Variants in ARL15 observed in about 807,000 individuals in gnomAD.
ARL15 encodes ARF like GTPase 15, also known as ADP-ribosylation factor-like protein 15.
In ARL15, 19 loss-of-function variants were observed where a neutral mutation model predicts 25.2. The observed-to-expected ratio is 0.75, with a 90% CI of 0.53 to 1.10. The LOEUF (loss-of-function observed/expected upper bound fraction) is 1.10, where lower values mean the gene tolerates loss of function less well. ARL15 is among the 50% of genes least tolerant of loss of function. The pLI is 0.00. For synonymous variants in ARL15, 94 were observed against 86.8 expected, an observed-to-expected ratio of 1.08 and a Z score of -0.46; for missense variants, 220 against 246.0, an observed-to-expected ratio of 0.89 and a Z score of 0.71.
At chr5:54,005,723 G>A (rs556301526) in intron 4 of ARL15, among the ~76,000 whole-genome samples, 2 of 151,958 alleles carry the variant, frequency 1.3e-5, no homozygotes, top group Non-Finnish European at 2.9e-5. Context: ...TTAGCCGGGC[G>A]TGGTGGCCGG....
At chr5:53,924,220 C>T (rs1482221863) in intron 4 of ARL15, among the ~76,000 whole-genome samples, 2 of 152,190 alleles carry the variant, frequency 1.3e-5, no homozygotes, top group African/African-American at 2.4e-5. Context: ...GTTGCCATTA[C>T]GTCTCCTTAG....
chr5:54,154,465 A>G, intron 3 of ARL15, 115 bp downstream of exon 3: 1 of 670,210 alleles, frequency 1.5e-6, no homozygotes, highest in East Asian at 3.3e-5. Context: ...TTATCAAGAT[A>G]AAAATGAACC....
At chr5:53,991,561 A>AAAAGGGGG (rs1388513035) in intron 4 of ARL15, among the ~76,000 whole-genome samples, 1 of 92,070 alleles carries the variant, frequency 1.1e-5, no homozygotes, top group Non-Finnish European at 2.2e-5. Flanking sequence ...AAAAAAAAAA[A>AAAAGGGGG]GGGGGGGCGG....
intron 3 of ARL15, among the ~76,000 whole-genome samples, chr5:54,123,112 C>CTTT (rs564304323): frequency 7.0e-6 from 1 of 142,170 alleles, no homozygotes; most frequent in Non-Finnish European, 1.5e-5. Context: ...TTTTATATTC[C>CTTT]TTTTTTTTTT....
intron 4 of ARL15, among the ~76,000 whole-genome samples, chr5:54,063,975 A>C (rs2112040991): frequency 6.6e-6 from 1 of 152,310 alleles, no homozygotes; most frequent in Non-Finnish European, 1.5e-5. Flanking sequence ...CTTAGGGCAC[A>C]AAGAGGAATT....
chr5:54,031,601 T>C (rs1211819516), intron 4 of ARL15, among the ~76,000 whole-genome samples: 2 of 152,216 alleles, frequency 1.3e-5, no homozygotes, highest in Non-Finnish European at 2.9e-5. Flanking sequence ...AGCTGTGTTA[T>C]GGAAAGTTTA....
At chr5:54,228,708 T>C (rs1756591361) in intron 1 of ARL15, among the ~76,000 whole-genome samples, 1 of 152,188 alleles carries the variant, frequency 6.6e-6, no homozygotes, top group African/African-American at 2.4e-5. Context: ...CAACCTTCAC[T>C]TTCATGGTAA....
At chr5:54,095,414 T>C (rs1752255590) in intron 4 of ARL15, among the ~76,000 whole-genome samples, 1 of 152,178 alleles carries the variant, frequency 6.6e-6, no homozygotes, top group African/African-American at 2.4e-5. Context: ...CAAAGACCCT[T>C]TTCTACTGTC....
chr5:53,961,988 G>A (rs1747387874), intron 4 of ARL15, among the ~76,000 whole-genome samples: 1 of 152,114 alleles, frequency 6.6e-6, no homozygotes, highest in Non-Finnish European at 1.5e-5. Context: ...CCTACTGATA[G>A]GCATTTAGGT....
At chr5:53,982,175 T>C (rs988406155) in intron 4 of ARL15, among the ~76,000 whole-genome samples, 10 of 129,776 alleles carry the variant, frequency 7.7e-5, no homozygotes, top group Admixed American at 1.7e-4. Context: ...AAACATTCTT[T>C]TTTTTTTTTC....
At chr5:53,991,991 G>A (rs1326337718) in intron 4 of ARL15, among the ~76,000 whole-genome samples, 1 of 152,174 alleles carries the variant, frequency 6.6e-6, no homozygotes, top group Non-Finnish European at 1.5e-5. Flanking sequence ...CACCTTTCGG[G>A]TATGCACAAC....
chr5:54,043,247 C>A (rs1328279191), intron 4 of ARL15, among the ~76,000 whole-genome samples: 2 of 151,658 alleles, frequency 1.3e-5, no homozygotes, highest in East Asian at 3.9e-4. Context: ...TAGTATTAAA[C>A]AAGCTTATCT....
At chr5:54,148,092 C>A (rs149018046) in intron 3 of ARL15, among the ~76,000 whole-genome samples, 37 of 152,072 alleles carry the variant, frequency 2.4e-4, no homozygotes, top group Non-Finnish European at 4.1e-4. Context: ...GAGACTCTGA[C>A]GAAAGAAAGC....
chr5:53,912,265 T>C (rs373015371), intron 4 of ARL15: 2 of 152,282 alleles, frequency 1.3e-5, no homozygotes, highest in South Asian at 2.1e-4. Flanking sequence ...GTCCAAGCTA[T>C]GGGGGCAAGA....
intron 4 of ARL15, among the ~76,000 whole-genome samples, chr5:53,936,457 G>C (rs1219165339): frequency 6.6e-6 from 1 of 152,152 alleles, no homozygotes; most frequent in Non-Finnish European, 1.5e-5. Context: ...CTATTGTCTA[G>C]CTTGGATAAT....
At chr5:53,941,610 AGAAT>A (rs1185818508) in intron 4 of ARL15, among the ~76,000 whole-genome samples, 3 of 152,360 alleles carry the variant, frequency 2.0e-5, no homozygotes, top group African/African-American at 7.2e-5. Context: ...TGGCTCTGGC[AGAAT>A]GAATATCAAC....
At chr5:54,247,222 G>T (rs201467901) in intron 1 of ARL15, among the ~76,000 whole-genome samples, 7 of 146,122 alleles carry the variant, frequency 4.8e-5, no homozygotes, top group Admixed American at 6.8e-5. Context: ...TTAAAGTTTT[G>T]TTTTTTTTTT....
intron 4 of ARL15, among the ~76,000 whole-genome samples, chr5:54,048,570 ATTT>A (rs1481562732): frequency 1.6e-5 from 2 of 128,334 alleles, no homozygotes; most frequent in African/African-American, 3.5e-5. Context: ...CACCTGGCTA[ATTT>A]TTTACTTTTA....
chr5:53,925,674 G>C (rs896207218), intron 4 of ARL15, among the ~76,000 whole-genome samples: 3 of 152,082 alleles, frequency 2.0e-5, no homozygotes, highest in Non-Finnish European at 4.4e-5. Context: ...TGGGCATGGT[G>C]GCATGTGCCT....
Sources: allele counts gnomAD v4.1 joint callset (sites outside exome capture counted in the v4.1 genomes callset), GRCh38; gene constraint gnomAD v4.1.1; transcripts MANE v1.5; gene names NCBI Gene and HGNC (gene_info 2026-07-23, HGNC 2026-07-21).